PLXNA4: variants seen among roughly 807,000 people sequenced by gnomAD.
PLXNA4 encodes the protein plexin A4.
Under a neutral mutation model 191.8 loss-of-function variants are expected in PLXNA4, and 44 were observed. The ratio of observed to expected loss-of-function variants is 0.23; its 90% CI spans 0.18 to 0.29. The LOEUF (loss-of-function observed/expected upper bound fraction) is 0.29. Among genes scored for constraint, PLXNA4 ranks in the 10% least tolerant of loss-of-function variants. The pLI is 1.00. For synonymous variants in PLXNA4, 1,082 were observed against 1,009.5 expected, an observed-to-expected ratio of 1.07 and a Z score of -1.36; for missense variants, 1,800 against 2,488.8, an observed-to-expected ratio of 0.72 and a Z score of 5.89.
chr7:132,182,246 C>A, intron 16 of PLXNA4, 56 bp from the exon 17 acceptor site: 1 of 1,601,014 alleles, frequency 6.2e-7, no homozygotes. Context: ...AGAGCAATGG[C>A]ACTCTACAAT....
intron 5 of PLXNA4, among the ~76,000 whole-genome samples, chr7:132,234,677 C>T (rs1488948652): frequency 6.6e-6 from 1 of 150,388 alleles, no homozygotes; most frequent in Admixed American, 6.7e-5. Context: ...AAGAAAAGGC[C>T]CATTTCCTTA....
chr7:132,557,637 A>G (rs1388951723), intron 1 of PLXNA4, among the ~76,000 whole-genome samples: 3 of 151,972 alleles, frequency 2.0e-5, no homozygotes, highest in African/African-American at 7.3e-5. Context: ...TGGAGTTTTC[A>G]TTTTGAAAAA....
At chr7:132,624,136 G>C (rs1345207078) in intron 2 of PLXNA4, among the ~76,000 whole-genome samples, 1 of 152,084 alleles carries the variant, frequency 6.6e-6, no homozygotes, top group Non-Finnish European at 1.5e-5. Context: ...AGAGAGATTT[G>C]GTGACATGCT....
At chr7:132,338,271 G>A (rs746939743) in intron 3 of PLXNA4, among the ~76,000 whole-genome samples, 23 of 152,358 alleles carry the variant, frequency 1.5e-4, no homozygotes, top group Non-Finnish European at 2.6e-4. Context: ...CACAGGAGCC[G>A]TGAACAGACT....
rs557413209 is a variant in PLXNA4 at position 132,126,239 on chromosome 7, G to T, written c.*4240C>A. ...GAGGTCATTTGGGAAGTCATTGCTT[G>T]TGGATCCTCGGATGGGGACCCATAG... On this transcript the variant is annotated 3_prime_UTR_variant, in exon 32 of 32. Transcript: ENST00000321063. 2.6e-5 allele frequency: 4 copies of T among 152,582 alleles called. No individual in the cohort carries two copies. The highest frequency in any genetic ancestry group is 9.6e-5 in the African/African-American group (4 of 41,564). The allele number at this position is 152,582 out of a possible 1,614,324, so 9.5% of individuals were successfully genotyped here.
intron 3 of PLXNA4, among the ~76,000 whole-genome samples, chr7:132,432,099 A>G (rs941909119): frequency 2.0e-5 from 3 of 152,074 alleles, no homozygotes; most frequent in Non-Finnish European, 4.4e-5. Context: ...CCACAATAGT[A>G]GTCTCTTCTC....
chr7:132,391,531 T>A (rs570603227), intron 3 of PLXNA4, among the ~76,000 whole-genome samples: 36 of 152,228 alleles, frequency 2.4e-4, no homozygotes, highest in South Asian at 8.3e-4. Flanking sequence ...GAGCAAAGAA[T>A]GGGGATGTTT....
chr7:132,487,362 T>G (rs1300950712), intron 3 of PLXNA4, among the ~76,000 whole-genome samples: 1 of 152,156 alleles, frequency 6.6e-6, no homozygotes, highest in African/African-American at 2.4e-5. Context: ...GCATCCCCCA[T>G]ACTGCTTGCT....
chr7:132,512,221 T>C (rs1406267556), intron 1 of PLXNA4, among the ~76,000 whole-genome samples: 1 of 152,246 alleles, frequency 6.6e-6, no homozygotes, highest in East Asian at 1.9e-4. Context: ...GCACAGTCTC[T>C]GTATCACAAC....
intron 2 of PLXNA4, among the ~76,000 whole-genome samples, chr7:132,594,282 A>T (rs1427379127): frequency 6.6e-6 from 1 of 152,214 alleles, no homozygotes; most frequent in Non-Finnish European, 1.5e-5. Context: ...CATGTTCTCC[A>T]TATGGAGTTA....
chr7:132,211,879 T>C (rs1360787353), intron 9 of PLXNA4, among the ~76,000 whole-genome samples: 3 of 152,154 alleles, frequency 2.0e-5, no homozygotes, highest in African/African-American at 7.2e-5. Context: ...GGCCCCTTTT[T>C]CCTGGGGCTA....
chr7:132,329,134 C>G (rs1330351601), intron 3 of PLXNA4, among the ~76,000 whole-genome samples: 1 of 152,220 alleles, frequency 6.6e-6, no homozygotes, highest in African/African-American at 2.4e-5. Context: ...GGATGCACCC[C>G]TAAGTTTGGG....
At chr7:132,162,410 C>T (rs181523446) in intron 24 of PLXNA4, among the ~76,000 whole-genome samples, 197 of 152,254 alleles carry the variant, frequency 1.3e-3, no homozygotes, top group Middle Eastern at 6.8e-3. Flanking sequence ...CTTTAAGTTG[C>T]GGCACCTGAA....
chr7:132,203,241 CCG>C, intron 11 of PLXNA4, 80 bp downstream of exon 11: 4 of 1,316,140 alleles, frequency 3.0e-6, no homozygotes, highest in Non-Finnish European at 4.3e-6. Context: ...AGAATGACTC[CCG>C]CGAGAATGCA....
intron 1 of PLXNA4, among the ~76,000 whole-genome samples, chr7:132,557,226 T>G (rs1800839465): frequency 6.6e-6 from 1 of 152,198 alleles, no homozygotes; most frequent in Non-Finnish European, 1.5e-5. Context: ...GAGTCAGACC[T>G]ACCTGCACCA....
At chr7:132,347,836 T>C (rs1202128471) in intron 3 of PLXNA4, among the ~76,000 whole-genome samples, 1 of 152,206 alleles carries the variant, frequency 6.6e-6, no homozygotes, top group East Asian at 1.9e-4. Context: ...TCTCCCCTTT[T>C]ATACAGTGTT....
chr7:132,497,112 G>A (rs904335049), intron 2 of PLXNA4, among the ~76,000 whole-genome samples: 1 of 97,646 alleles, frequency 1.0e-5, no homozygotes, highest in Non-Finnish European at 2.2e-5. Context: ...ATGCACACTT[G>A]TGCACGCACG....
chr7:132,621,000 T>G (rs1183877188), intron 2 of PLXNA4, among the ~76,000 whole-genome samples: 2 of 152,122 alleles, frequency 1.3e-5, no homozygotes, highest in African/African-American at 2.4e-5. Context: ...CTCTCTCATG[T>G]CTTTTCTTAT....
intron 3 of PLXNA4, among the ~76,000 whole-genome samples, chr7:132,465,366 T>C (rs1361089449): frequency 6.6e-6 from 1 of 152,240 alleles, no homozygotes; most frequent in African/African-American, 2.4e-5. Flanking sequence ...ACCAGTTTAA[T>C]GTTTGGCTTC....
Sources: gnomAD v4.1 joint callset for allele counts (sites outside exome capture counted in the v4.1 genomes callset) on GRCh38, gnomAD v4.1.1 for gene constraint, MANE v1.5 for transcripts, NCBI Gene and HGNC (gene_info 2026-07-23, HGNC 2026-07-21) for gene names.